Variants in AGO2 observed in about 807,000 individuals in gnomAD.
AGO2 encodes the protein protein argonaute-2.
In AGO2, 5 loss-of-function variants were observed where a neutral mutation model predicts 102.3. That is an observed-to-expected ratio of 0.05 (90% CI 0.03 to 0.10). The LOEUF is 0.10. AGO2 is among the 10% of genes least tolerant of loss of function. AGO2 has a pLI of 1.00. For missense variants in AGO2, 541 were observed against 1,183.7 expected (o/e 0.46, Z 7.97); for synonymous variants, 449 against 473.1 (o/e 0.95, Z 0.66).
chr8:140,594,198 G>A (rs533231096), intron 1 of AGO2, among the ~76,000 whole-genome samples: 1 of 152,276 alleles, frequency 6.6e-6, no homozygotes, highest in South Asian at 2.1e-4. Flanking sequence ...CACTCGGGTT[G>A]GCTGGAGGGG....
Position 140,539,548 on chromosome 8 carries a change from C to T in AGO2, c.2035-94G>A, listed in dbSNP as rs1438977164. The T allele has an allele frequency of 3.5e-6, 5 of 1,418,398 alleles. No individual in the cohort carries two copies. Among genetic ancestry groups the T allele is most frequent in the Middle Eastern group, 1.9e-4 (1 of 5,162 alleles). 87.9% of individuals were successfully genotyped at this position (1,418,398 alleles called of 1,614,324 possible). A position where few individuals can be genotyped will look rare whatever the true frequency, so the allele number is the denominator to read the frequency against. On this transcript the variant is annotated intron_variant, in intron 15 of 18. Transcript: ENST00000220592. This position sits in a 1 kb window ranked among gnomAD's most constrained non-coding sequence, Gnocchi z 4.7. ...GGGTTCTGGGTTGAGAACACCCAGC[C>T]GTGGTGATTCTGAGAGACAATGAGT... is the stretch of plus-strand genomic sequence containing the variant.
intron 2 of AGO2, among the ~76,000 whole-genome samples, chr8:140,581,681 GA>G (rs35433577): frequency 1.6e-3 from 242 of 152,314 alleles, no homozygotes; most frequent in Non-Finnish European, 2.7e-3. Context: ...TATACTAAAA[GA>G]TCTAGGAAGA....
At chr8:140,533,305 CATG>C (rs1482463959) in intron 17 of AGO2, among the ~76,000 whole-genome samples, 5 of 149,182 alleles carry the variant, frequency 3.4e-5, no homozygotes, top group African/African-American at 7.4e-5. Context: ...CAGAGAATGG[CATG>C]AACCTGGGAG....
chr8:140,642,298 G>A, the AGO2 span, among the ~76,000 whole-genome samples: 2 of 152,316 alleles, frequency 1.3e-5, no homozygotes, highest in South Asian at 2.1e-4. Context: ...CCGCTTCTCT[G>A]AAGAGGCAGC....
At chr8:140,606,988 G>A (rs961991581) in intron 1 of AGO2, among the ~76,000 whole-genome samples, 3 of 151,412 alleles carry the variant, frequency 2.0e-5, no homozygotes, top group Admixed American at 6.6e-5. Flanking sequence ...GGTGGCTCAC[G>A]CCTGTAATCT....
chr8:140,597,126 A>C (rs1037194439), intron 1 of AGO2, among the ~76,000 whole-genome samples: 5 of 152,208 alleles, frequency 3.3e-5, no homozygotes, highest in African/African-American at 1.2e-4. Flanking sequence ...AACTCAGCAG[A>C]AGAGCTGTTT....
chr8:140,541,980 C>G (rs2072807332), intron 14 of AGO2, among the ~76,000 whole-genome samples: 1 of 152,176 alleles, frequency 6.6e-6, no homozygotes, highest in Admixed American at 6.5e-5. Context: ...CTGAATTAAT[C>G]AGTCCAAAGA....
intron 5 of AGO2, among the ~76,000 whole-genome samples, chr8:140,559,789 C>T (rs1298635994): frequency 2.6e-5 from 4 of 152,178 alleles, no homozygotes; most frequent in African/African-American, 7.2e-5. Flanking sequence ...AGTCACCCTC[C>T]GAGAATGAAG....
At chr8:140,572,673 G>A (rs979185091) in intron 3 of AGO2, 139 bp downstream of exon 3, 55 of 1,234,712 alleles carry the variant, frequency 4.5e-5, no homozygotes, top group African/African-American at 2.3e-4. Context: ...ATCTCAGGAC[G>A]AAGCATGTGG....
chr8:140,572,587 G>A (rs1428351534), intron 3 of AGO2: 2 of 493,824 alleles, frequency 4.1e-6, no homozygotes, highest in East Asian at 3.9e-5. Flanking sequence ...GCAAGTTCTC[G>A]ATATCCGTGT....
intron 1 of AGO2, among the ~76,000 whole-genome samples, chr8:140,634,518 G>C (rs1227571641): frequency 6.6e-6 from 1 of 152,380 alleles, no homozygotes; most frequent in East Asian, 1.9e-4. Context: ...CACGTGCCCG[G>C]TGGGAGCACG....
chr8:140,552,728 A>ACGCGCG (rs71504805), intron 10 of AGO2, among the ~76,000 whole-genome samples: 3,695 of 123,762 alleles, frequency 0.03, 64 homozygotes, highest in South Asian at 0.087. Context: ...ACGCACATGC[A>ACGCGCG]CGCGCGCGCG....
intron 13 of AGO2, among the ~76,000 whole-genome samples, chr8:140,546,508 C>G (rs1355792683): frequency 1.3e-5 from 2 of 152,218 alleles, no homozygotes; most frequent in African/African-American, 4.8e-5. Flanking sequence ...CCACCGCCCA[C>G]TTTCCAAATA....
chr8:140,607,913 C>G (rs756421812), intron 1 of AGO2, among the ~76,000 whole-genome samples: 1 of 152,114 alleles, frequency 6.6e-6, no homozygotes, highest in Non-Finnish European at 1.5e-5. Context: ...GTACTTTAAA[C>G]CGGTCCGTTT....
chr8:140,561,960 T>C (rs2977489), intron 4 of AGO2, among the ~76,000 whole-genome samples: 133,764 of 152,242 alleles, frequency 0.88, 58,871 homozygotes, highest in East Asian at 0.95. Context: ...AGCTTGTGAG[T>C]CCTTCAACTG....
At chr8:140,618,749 G>A (rs1205965922) in intron 1 of AGO2, among the ~76,000 whole-genome samples, 1 of 149,434 alleles carries the variant, frequency 6.7e-6, no homozygotes, top group Non-Finnish European at 1.5e-5. Flanking sequence ...GGTCTCCTGA[G>A]GCCAAGGCTG....
At chr8:140,597,470 C>T (rs1320459617) in intron 1 of AGO2, among the ~76,000 whole-genome samples, 1 of 15,006 alleles carries the variant, frequency 6.7e-5, no homozygotes, top group African/African-American at 1.4e-4. Flanking sequence ...TGGGTGGCCC[C>T]CCCACCCCCC....
In AGO2 at chr8:140,567,931, G is replaced by T. The variant is rs189593177; in HGVS notation, c.336+4881C>A. Reference sequence around the variant, plus strand: ...GCTTGAGCTCAGGAGTTGCAGACCAGCCCGGGCAATGTGGCAAAACTCTGT... The same window carrying T: ...GCTTGAGCTCAGGAGTTGCAGACCATCCCGGGCAATGTGGCAAAACTCTGT... On this transcript the variant is annotated intron_variant, in intron 3 of 18. Transcript: ENST00000220592. This position sits in a 1 kb window ranked among gnomAD's most constrained non-coding sequence, Gnocchi z 5.0. Among the ~76,000 whole-genome samples, 4 of 152,124 alleles carry T rather than the reference G, an allele frequency of 2.6e-5. No individual in the cohort carries two copies. Among genetic ancestry groups the T allele is most frequent in the Non-Finnish European group, 5.9e-5 (4 of 67,984 alleles).
chr8:140,585,005 C>A, intron 2 of AGO2, 114 bp downstream of exon 2: 1 of 1,039,632 alleles, frequency 9.6e-7, no homozygotes, highest in Non-Finnish European at 1.3e-6. Context: ...GCAGCTGAAA[C>A]GTTCTGGAAA....
Sources: allele counts gnomAD v4.1 joint callset (sites outside exome capture counted in the v4.1 genomes callset), GRCh38; gene constraint gnomAD v4.1.1; non-coding constraint Gnocchi (gnomAD v3.1); transcripts MANE v1.5; gene names NCBI Gene and HGNC (gene_info 2026-07-23, HGNC 2026-07-21).